STX11: variants seen among roughly 807,000 people sequenced by gnomAD.
STX11 encodes the protein syntaxin 11.
Under a neutral mutation model 19.9 loss-of-function variants are expected in STX11, and 21 were observed. The ratio of observed to expected loss-of-function variants is 1.06; its 90% CI spans 0.75 to 1.52. The LOEUF is 1.52. STX11 is among the 40% of genes most tolerant of loss of function. The pLI, the probability that STX11 is intolerant of heterozygous loss-of-function variation, is 0.00. For missense variants in STX11, 438 were observed against 405.9 expected, an observed-to-expected ratio of 1.08 and a Z score of -0.68; for synonymous variants, 193 against 174.4, an observed-to-expected ratio of 1.11 and a Z score of -0.84.
rs930985693 is a variant in STX11, at chr6:144,160,562, A to G, written c.-6+9859A>G. Among the ~76,000 whole-genome samples the G allele has an allele frequency of 1.3e-5, 2 of 152,218 alleles. No homozygotes were observed. Among genetic ancestry groups the G allele is most frequent in the African/African-American group, 4.8e-5 (2 of 41,446 alleles). On this transcript the variant is annotated intron_variant, in intron 1 of 1. Coordinates refer to ENST00000367568, the MANE Select transcript of STX11 (RefSeq NM_003764.4). This position sits in a 1 kb window ranked among gnomAD's most constrained non-coding sequence, Gnocchi z 4.3. Reference sequence around the variant, plus strand: ...TTGTTTAACCTGACATCACAAAGCAAATAGGCCAAGTGCTAACATGTGCAT... The same window carrying G: ...TTGTTTAACCTGACATCACAAAGCAGATAGGCCAAGTGCTAACATGTGCAT...
At chr6:144,150,406 C>G (rs529534826), upstream of STX11, 1 of 831,818 alleles carries the variant, frequency 1.2e-6, no homozygotes, top group South Asian at 5.5e-5. Context: ...GGCGGGAACC[C>G]GCGCTCTGTG....
Position 144,187,104 on chromosome 6 carries a change from CCGCATCCAG to C in STX11, c.481_489del (p.Ile161_Arg163del). ...TGAAGCAGCGCGACAACTGCAAGAT[CCGCATCCAG>C]CGCCAGCTGGAGATCATGGGCAAGG... On this transcript the variant is annotated inframe_deletion, in exon 2 of 2. Coordinates refer to ENST00000367568, the MANE Select transcript of STX11 (RefSeq NM_003764.4). This position sits in a 1 kb window ranked among gnomAD's most constrained non-coding sequence, Gnocchi z 5.6. 6.2e-7 allele frequency: 1 copy of C among 1,613,890 alleles called. No homozygotes were observed. Among genetic ancestry groups the C allele is most frequent in the Non-Finnish European group, 8.5e-7 (1 of 1,180,014 alleles).
In STX11 at chr6:144,174,552, A is replaced by G. The variant is rs1468916704; in HGVS notation, c.-5-12071A>G. On this transcript the variant is annotated intron_variant, in intron 1 of 1. Transcript: ENST00000367568. This position sits in a 1 kb window ranked among gnomAD's most constrained non-coding sequence, Gnocchi z 5.3. ...ACCCGGCTAATTTTTGTGTTTTTGT[A>G]GAGCTGGATTTTGCCCTGTTACCCA... Among the ~76,000 whole-genome samples the G allele has an allele frequency of 6.6e-6, 1 of 151,782 alleles. No individual in the cohort carries two copies. The highest frequency in any genetic ancestry group is 1.9e-4 in the East Asian group (1 of 5,136).
chr6:144,153,273 A>G lies in STX11; in HGVS notation c.-6+2570A>G, dbSNP rs953473799. Among the ~76,000 whole-genome samples the G allele has an allele frequency of 1.3e-5, 2 of 152,216 alleles. No individual in the cohort carries two copies. The highest frequency in any genetic ancestry group is 2.4e-5 in the African/African-American group (1 of 41,452). ...TGAGAAAGAAAGGGTCGAGTTTGTC[A>G]TTCAGCATTGTACTCCCTGAACTTG... On this transcript the variant is annotated intron_variant, in intron 1 of 1. Coordinates refer to ENST00000367568, the MANE Select transcript of STX11 (RefSeq NM_003764.4). The surrounding 1 kb of genome is among the most constrained non-coding windows in gnomAD (Gnocchi z 5.0).
At position 144,162,420 on chromosome 6, in the gene STX11, A is replaced by G. The variant is rs1356026007; in HGVS notation, c.-6+11717A>G. On this transcript the variant is annotated intron_variant, in intron 1 of 1. Transcript: ENST00000367568. This position sits in a 1 kb window ranked among gnomAD's most constrained non-coding sequence, Gnocchi z 4.6. Reference sequence around the variant, plus strand: ...TTTCTTCTCTCTTATTCTTTATCCTAGTTGGCTTATGCCTTTAGAAAGTTC... The same window carrying G: ...TTTCTTCTCTCTTATTCTTTATCCTGGTTGGCTTATGCCTTTAGAAAGTTC... Among the ~76,000 whole-genome samples, 9 of 152,264 alleles carry G rather than the reference A, an allele frequency of 5.9e-5. No homozygotes were observed. In the East Asian group the frequency reaches 1.7e-3, roughly 29 times the overall value.
At chr6:144,157,232 G>A (rs1484795947) in intron 1 of STX11, among the ~76,000 whole-genome samples, 3 of 152,284 alleles carry the variant, frequency 2.0e-5, no homozygotes, top group Non-Finnish European at 2.9e-5. Context: ...GCACAACAGC[G>A]GCCTCAACAG....
At position 144,190,639 on chromosome 6, in the gene STX11, G is replaced by A. The variant is rs1213062909; in HGVS notation, c.*3148G>A. ...TTCACTATGGCATTTCTATCCCTGT[G>A]TATATCCAAACATGTCCTGAAGAAG... On this transcript the variant is annotated 3_prime_UTR_variant, in exon 2 of 2. Coordinates refer to ENST00000367568, the MANE Select transcript of STX11 (RefSeq NM_003764.4). Among the ~76,000 whole-genome samples, 2 of 151,390 alleles carry A rather than the reference G, an allele frequency of 1.3e-5. No homozygotes were observed. The highest frequency in any genetic ancestry group is 4.9e-5 in the African/African-American group (2 of 41,152).
rs188709931 is a variant in STX11, at chr6:144,190,425, T to C, written c.*2934T>C. Among the ~76,000 whole-genome samples the C allele has an allele frequency of 6.6e-6, 1 of 152,378 alleles. No individual in the cohort carries two copies. The highest frequency in any genetic ancestry group is 6.5e-5 in the Admixed American group (1 of 15,312). On this transcript the variant is annotated 3_prime_UTR_variant, in exon 2 of 2. Coordinates refer to ENST00000367568, the MANE Select transcript of STX11 (RefSeq NM_003764.4). The stretch of plus-strand genomic sequence containing the variant: ...GCTTTGTTCATTATTGTTGTTATTA[T>C]GTAATTTTCTCTCAGACTGAGAGCA...
chr6:144,180,222 G>A lies in STX11; in HGVS notation c.-5-6401G>A, dbSNP rs972861796. Among the ~76,000 whole-genome samples, 1 of 152,194 alleles carries A rather than the reference G, an allele frequency of 6.6e-6. No homozygotes were observed. On this transcript the variant is annotated intron_variant, in intron 1 of 1. Transcript: ENST00000367568. This position sits in a 1 kb window ranked among gnomAD's most constrained non-coding sequence, Gnocchi z 5.3. ...TTAATGCATATATTAGTCTTTTGGG[G>A]CTGCCTAATAAAGCTTCTCCTTTAT...
chr6:144,149,284 T>A (rs140188662), upstream of STX11, among the ~76,000 whole-genome samples: 788 of 152,346 alleles, frequency 5.2e-3, 8 homozygotes, highest in African/African-American at 0.018. The surrounding 1 kb of genome is among the most constrained non-coding windows in gnomAD (Gnocchi z 5.1). Context: ...GCCTTTTATT[T>A]ATTTATTCAA....
chr6:144,180,465 G>A lies in STX11; in HGVS notation c.-5-6158G>A, dbSNP rs1228258009. On this transcript the variant is annotated intron_variant, in intron 1 of 1. Transcript: ENST00000367568. The surrounding 1 kb of genome is among the most constrained non-coding windows in gnomAD (Gnocchi z 5.3). ...CAGGGGAAGGTAATTGAATCCTGGG[G>A]ATTGGTCTTCCCTGTGCTATTCTCG... Among the ~76,000 whole-genome samples, 1 of 152,154 alleles carries A rather than the reference G, an allele frequency of 6.6e-6. No individual in the cohort carries two copies. Among genetic ancestry groups the A allele is most frequent in the Non-Finnish European group, 1.5e-5 (1 of 68,016 alleles).
chr6:144,167,072 G>A lies in STX11; in HGVS notation c.-6+16369G>A, dbSNP rs1801502419. Among the ~76,000 whole-genome samples, 1 of 152,136 alleles carries A rather than the reference G, an allele frequency of 6.6e-6. No homozygotes were observed. On this transcript the variant is annotated intron_variant, in intron 1 of 1. Transcript: ENST00000367568. The surrounding 1 kb of genome is among the most constrained non-coding windows in gnomAD (Gnocchi z 5.0). ...AAACAAACTAAATTTCACAGTAACA[G>A]GATTGGTTCTTCTGAACACTGTCTC...
chr6:144,166,773 G>A (rs1428739474), intron 1 of STX11, among the ~76,000 whole-genome samples: 2 of 151,988 alleles, frequency 1.3e-5, no homozygotes, highest in African/African-American at 2.4e-5. Flanking sequence ...TGATCCGCCC[G>A]CCTTGGCCTC....
the STX11 span, chr6:144,140,712 C>A: frequency 2.0e-6 from 2 of 981,474 alleles, no homozygotes; most frequent in African/African-American, 3.5e-5. Context: ...CTGAAGAGTG[C>A]CAAAGGGAAA....
the STX11 span, among the ~76,000 whole-genome samples, chr6:144,141,988 G>A: frequency 6.6e-6 from 1 of 151,788 alleles, no homozygotes; most frequent in African/African-American, 2.4e-5. Flanking sequence ...GGCCTCTTCT[G>A]TGGTCTCTAA....
the STX11 span, among the ~76,000 whole-genome samples, chr6:144,144,079 T>A: frequency 6.6e-6 from 1 of 152,244 alleles, no homozygotes; most frequent in Admixed American, 6.5e-5. Flanking sequence ...CAGTGCTTAC[T>A]ACAGTCATTC....
upstream of STX11, among the ~76,000 whole-genome samples, chr6:144,150,340 G>C (rs1300004757): frequency 6.6e-6 from 1 of 152,226 alleles, no homozygotes; most frequent in Non-Finnish European, 1.5e-5. Context: ...GCTTGCGGGA[G>C]GGGCTGGAGC....
At position 144,186,986 on chromosome 6, in the gene STX11, C is replaced by T; in HGVS notation, c.359C>T (p.Pro120Leu). 1.2e-6 allele frequency: 2 copies of T among 1,609,322 alleles called. No individual in the cohort carries two copies. The highest frequency in any genetic ancestry group is 1.1e-5 in the South Asian group (1 of 91,002). ...GAGGCGGCTGAGGCCCAGCACGGCC[C>T]GCACTCGGCAGTGGCGCGCATTTCG... ...LSEAAEAQHG[P>L]HSAVARISRA... Residue 120 changes from proline (P) to leucine (L), a missense_variant, in exon 2 of 2, where the codon CCG (proline) becomes CTG (leucine). Physicochemically the swap from Pro to Leu is moderately conservative, Grantham distance 98. Coordinates refer to ENST00000367568, the MANE Select transcript of STX11 (RefSeq NM_003764.4).
At chr6:144,166,567 C>G (rs1412555703) in intron 1 of STX11, among the ~76,000 whole-genome samples, 1 of 146,178 alleles carries the variant, frequency 6.8e-6, no homozygotes, top group East Asian at 2.0e-4. Context: ...CACTCTGCGG[C>G]CCAGCTGGAG....
Sources: allele counts gnomAD v4.1 joint callset (sites outside exome capture counted in the v4.1 genomes callset), GRCh38; gene constraint gnomAD v4.1.1; non-coding constraint Gnocchi (gnomAD v3.1); transcripts MANE v1.5; gene names NCBI Gene and HGNC (gene_info 2026-07-23, HGNC 2026-07-21).